The following CROCC2 variants were observed in gnomAD, a reference collection of about 807,000 sequenced individuals.
CROCC2 encodes ciliary rootlet coiled-coil protein 2.
Under a neutral mutation model 177.6 loss-of-function variants are expected in CROCC2, and 163 were observed. The observed-to-expected ratio is 0.92, with a 90% CI of 0.81 to 1.05. The LOEUF is 1.05. Among genes scored for constraint, CROCC2 ranks in the 50% least tolerant of loss-of-function variants. The probability of loss-of-function intolerance (pLI) is 0.00; values close to 1 mark genes in which losing one functional copy is unlikely to be tolerated. For missense variants in CROCC2, 1,929 were observed against 1,797.8 expected, an observed-to-expected ratio of 1.07 and a Z score of -1.32; for synonymous variants, 904 against 787.3, an observed-to-expected ratio of 1.15 and a Z score of -2.48.
At chr2:240,906,769 G>A (rs543681142) in intron 1 of CROCC2, among the ~76,000 whole-genome samples, 178 bp downstream of exon 1, 4 of 152,358 alleles carry the variant, frequency 2.6e-5, no homozygotes, top group East Asian at 3.9e-4. Context: ...AAGCAGGCGC[G>A]CCTGCATGCA....
rs543296953 is a variant in CROCC2, at chr2:240,991,692, C to T, written c.4946+414C>T. On this transcript the variant is annotated intron_variant, in intron 31 of 31. Coordinates refer to ENST00000690015, the MANE Select transcript of CROCC2 (RefSeq NM_001351305.2). ...TCCCAGCCTGCCCCCGCCTGGCACC[C>T]TCCCAGCCTGCCCCCGCCTGGCACT... Among the ~76,000 whole-genome samples, 22 of 152,356 alleles carry T rather than the reference C, an allele frequency of 1.4e-4. 1 individual carries two copies. The East Asian group carries it at 3.7e-3, about 25-fold the overall frequency.
chr2:240,916,539 T>TC (rs2059322208), intron 1 of CROCC2, among the ~76,000 whole-genome samples: 1 of 85,306 alleles, frequency 1.2e-5, no homozygotes, highest in South Asian at 4.6e-4. Flanking sequence ...CCCCCTGCGC[T>TC]CCCCCCGCGC....
chr2:240,930,912 T>C lies in CROCC2; in HGVS notation c.750-19T>C. ...AGATGGGTCCTGAGTCCGCCACAGATGCTGCCCTTGTCTCCCAGGGGCCTC... is the reference window on the plus strand; with the variant it reads ...AGATGGGTCCTGAGTCCGCCACAGACGCTGCCCTTGTCTCCCAGGGGCCTC... On this transcript the variant is annotated intron_variant, in intron 6 of 31. Transcript: ENST00000690015. 1.4e-6 allele frequency: 1 copy of C among 697,384 alleles called. No homozygotes were observed. Among genetic ancestry groups the C allele is most frequent in the South Asian group, 1.5e-5 (1 of 65,360 alleles). 43.2% of individuals were successfully genotyped at this position (697,384 alleles called of 1,614,324 possible). A position where few individuals can be genotyped will look rare whatever the true frequency, so the allele number is the denominator to read the frequency against.
rs2059664272 is a variant in CROCC2, at chr2:240,964,548, G to A, written c.3388G>A (p.Ala1130Thr). The A allele has an allele frequency of 6.5e-7, 1 of 1,549,572 alleles. No homozygotes were observed. The highest frequency in any genetic ancestry group is 8.7e-7 in the Non-Finnish European group (1 of 1,146,838). Residue 1130 changes from alanine (A) to threonine (T), a missense_variant, in exon 22 of 32, where the codon GCA (alanine) becomes ACA (threonine). Ala to Thr is a moderately conservative substitution (Grantham distance 58). Transcript: ENST00000690015. Reference protein sequence around the residue: ...AQAALQQEASALRAHLWELEQ... With the variant: ...AQAALQQEASTLRAHLWELEQ... ...GGCGGCGTTGCAGCAGGAGGCCAGT[G>A]CACTGCGGGCCCACCTGTGGGAGCT...
chr2:240,948,541 C>A (rs1305901080), intron 15 of CROCC2, among the ~76,000 whole-genome samples: 1 of 152,222 alleles, frequency 6.6e-6, no homozygotes, highest in Non-Finnish European at 1.5e-5. Context: ...CGAACAGCAA[C>A]AATGAAACTT....
At chr2:240,963,073 G>C (rs1278366981) in intron 20 of CROCC2, among the ~76,000 whole-genome samples, 5 of 152,130 alleles carry the variant, frequency 3.3e-5, no homozygotes, top group Non-Finnish European at 7.4e-5. Flanking sequence ...ACTGGGCCAG[G>C]GTCACTGTGC....
At chr2:240,962,778 G>A (rs1324456129) in intron 20 of CROCC2, among the ~76,000 whole-genome samples, 1 of 152,208 alleles carries the variant, frequency 6.6e-6, no homozygotes, top group African/African-American at 2.4e-5. Flanking sequence ...GACCTGGGAG[G>A]CAGGAGACTG....
chr2:240,966,410 G>C lies in CROCC2; in HGVS notation c.4146+1G>C. On this transcript the variant is annotated splice_donor_variant, in intron 25 of 31. Coordinates refer to ENST00000690015, the MANE Select transcript of CROCC2 (RefSeq NM_001351305.2). LOFTEE classifies it high-confidence loss of function. The stretch of plus-strand genomic sequence containing the variant: ...GCTCCGGGAAGCCCAGCGGGAGCGG[G>C]TAATGGGGGCTGGGGTCCTCCCGCC... 1 of 401,090 alleles carries C rather than the reference G, an allele frequency of 2.5e-6. No homozygotes were observed. Among genetic ancestry groups the C allele is most frequent in the South Asian group, 1.3e-4 (1 of 7,954 alleles). The allele number at this position is 401,090 out of a possible 1,614,324, so 24.8% of individuals were successfully genotyped here. A position where few individuals can be genotyped will look rare whatever the true frequency, so the allele number is the denominator to read the frequency against.
intron 3 of CROCC2, among the ~76,000 whole-genome samples, chr2:240,921,677 C>A (rs930973347): frequency 1.3e-5 from 2 of 152,220 alleles, no homozygotes; most frequent in Non-Finnish European, 2.9e-5. Flanking sequence ...GTCTGGGTGG[C>A]CAGAGTGCCT....
chr2:240,923,488 G>A (rs1004594436), intron 4 of CROCC2, among the ~76,000 whole-genome samples: 4 of 20,208 alleles, frequency 2.0e-4, no homozygotes, highest in Non-Finnish European at 4.4e-4. Context: ...CACTAACCCA[G>A]CCCCCACACT....
chr2:240,926,521 A>C (rs2106457910), intron 5 of CROCC2, among the ~76,000 whole-genome samples: 1 of 152,304 alleles, frequency 6.6e-6, no homozygotes, highest in South Asian at 2.1e-4. Context: ...CCTCCAGCAA[A>C]GGGGGACTGG....
In CROCC2 at chr2:240,967,457, C is replaced by T. The variant is rs747373707; in HGVS notation, c.4259C>T (p.Ala1420Val). 238 of 1,491,506 alleles carry T rather than the reference C, an allele frequency of 1.6e-4. 3 individuals carry two copies. The highest frequency in any genetic ancestry group is 5.7e-4 in the Admixed American group (29 of 50,904). 92.4% of individuals were successfully genotyped at this position (1,491,506 alleles called of 1,614,324 possible). ...CAGCTGCAGAAAGCCCTGGCTGAGGCGGAAGAAGGTGACCTCCCTTGCCCT... is the reference window on the plus strand; with the variant it reads ...CAGCTGCAGAAAGCCCTGGCTGAGGTGGAAGAAGGTGACCTCCCTTGCCCT... The part of the protein sequence containing the change: ...VGQLQKALAE[A>V]EEGQRRVEGA... The change falls in exon 26 of 32, where the codon GCG becomes GTG. Residue 1420 changes from alanine (A) to valine (V), a missense_variant. Ala to Val is a moderately conservative substitution (Grantham distance 64). Around this residue, in one of 3 missense-constraint regions of CROCC2, gnomAD observed 388 missense variants for 352.7 expected, o/e 1.10. Transcript: ENST00000690015.
In CROCC2 at chr2:240,934,887, C is replaced by T. The variant is rs764688874; in HGVS notation, c.1792-29C>T. 6.0e-5 allele frequency: 88 copies of T among 1,469,010 alleles called. No individual in the cohort carries two copies. In the African/African-American group the frequency reaches 1.2e-3, roughly 20 times the overall value. The allele number at this position is 1,469,010 out of a possible 1,614,324, so 91.0% of individuals were successfully genotyped here. A position where few individuals can be genotyped will look rare whatever the true frequency, so the allele number is the denominator to read the frequency against. On this transcript the variant is annotated intron_variant, in intron 12 of 31. Coordinates refer to ENST00000690015, the MANE Select transcript of CROCC2 (RefSeq NM_001351305.2). ...AGCCCTGCCCTGGAAGCTGAAGGTCCCTCCCTGGCATCCCCCTCCCTGCCC... is the reference window on the plus strand; with the variant it reads ...AGCCCTGCCCTGGAAGCTGAAGGTCTCTCCCTGGCATCCCCCTCCCTGCCC...
chr2:240,934,606 G>A, intron 12 of CROCC2, 131 bp downstream of exon 12: 1 of 988,522 alleles, frequency 1.0e-6, no homozygotes, highest in Non-Finnish European at 1.5e-6. Flanking sequence ...AGATCCCAAA[G>A]TCACCAAAGT....
At position 240,918,792 on chromosome 2, in the gene CROCC2, GA is replaced by G; in HGVS notation, c.147del (p.Gly50AlafsTer21). On this transcript the variant is annotated frameshift_variant, in exon 2 of 32. Coordinates refer to ENST00000690015, the MANE Select transcript of CROCC2 (RefSeq NM_001351305.2). LOFTEE classifies it high-confidence loss of function. This position sits in a 1 kb window ranked among gnomAD's most constrained non-coding sequence, Gnocchi z 6.3. ...AGACCGGGCGCTGACCGTGCGTGGG[GA>G]AGGCCGGCAGGCCTCGCCCACCCCC... ...REDRALTVRG[E>X]GRQASPTPVP... 1 of 598,986 alleles carries G rather than the reference GA, an allele frequency of 1.7e-6. No homozygotes were observed. Among genetic ancestry groups the G allele is most frequent in the East Asian group, 3.1e-5 (1 of 32,198 alleles). The allele number at this position is 598,986 out of a possible 1,614,324, so 37.1% of individuals were successfully genotyped here.
rs528383113 is a variant in CROCC2 at position 240,967,390 on chromosome 2, G to A, written c.4192G>A (p.Glu1398Lys). Residue 1398 changes from glutamate (E) to lysine (K), a missense_variant, in exon 26 of 32, where the codon GAG becomes AAG. Physicochemically the swap from Glu to Lys is moderately conservative, Grantham distance 56 (BLOSUM62 1). Around this residue, in one of 3 missense-constraint regions of CROCC2, gnomAD observed 388 missense variants for 352.7 expected, o/e 1.10. Coordinates refer to ENST00000690015, the MANE Select transcript of CROCC2 (RefSeq NM_001351305.2). ...QMATLSSRLS[E>K]AECRCARAQS... ...GGCGACCCTGAGCAGCCGGCTGAGC[G>A]AGGCAGAGTGCAGGTGTGCCCGGGC... The A allele has an allele frequency of 6.8e-5, 58 of 852,264 alleles. 1 individual carries two copies. The highest frequency in any genetic ancestry group is 4.2e-4 in the African/African-American group (25 of 59,882). 52.8% of individuals were successfully genotyped at this position (852,264 alleles called of 1,614,324 possible).
At chr2:240,992,460 G>C (rs1199218885) in intron 31 of CROCC2, among the ~76,000 whole-genome samples, 1 of 152,230 alleles carries the variant, frequency 6.6e-6, no homozygotes, top group Non-Finnish European at 1.5e-5. Flanking sequence ...TTTTCTGGTG[G>C]ATTTAGTAAT....
intron 28 of CROCC2, chr2:240,983,276 T>TA (rs1183053595): frequency 1.0e-6 from 1 of 989,384 alleles, no homozygotes; most frequent in Non-Finnish European, 1.4e-6. Context: ...TGCCGTACAG[T>TA]AAGCACCCCT....
Position 240,920,122 on chromosome 2 carries a change from G to T in CROCC2, c.369G>T (p.Val123=). Residue 123 remains valine, a synonymous_variant, in exon 3 of 32, where the codon GTG becomes GTT. Transcript: ENST00000690015. Reference sequence around the variant, plus strand: ...ATGAGCTGGCCAGCAGGTGCCGTGTGGTCAGCGAGCAGGTGCGTGTGTGCA... The same window carrying T: ...ATGAGCTGGCCAGCAGGTGCCGTGTTGTCAGCGAGCAGGTGCGTGTGTGCA... ...ERDELASRCR[V]VSEQLQARLE... 1.4e-6 allele frequency: 1 copy of T among 693,882 alleles called. No homozygotes were observed. The highest frequency in any genetic ancestry group is 2.7e-6 in the Non-Finnish European group (1 of 373,566). The allele number at this position is 693,882 out of a possible 1,614,324, so 43.0% of individuals were successfully genotyped here.
Sources: gnomAD v4.1 joint callset for allele counts (sites outside exome capture counted in the v4.1 genomes callset) on GRCh38, gnomAD v4.1.1 for gene constraint, gnomAD v4.1.1 regional missense constraint, Gnocchi (gnomAD v3.1) non-coding constraint, MANE v1.5 for transcripts, NCBI Gene and HGNC (gene_info 2026-07-23, HGNC 2026-07-21) for gene names.